The following PSPH variants were observed in gnomAD, a reference collection of about 807,000 sequenced individuals.
The protein encoded by PSPH is L-3-phosphoserine phosphatase.
Under a neutral mutation model 23.4 loss-of-function variants are expected in PSPH, and 16 were observed. That is an observed-to-expected ratio of 0.68 (90% CI 0.46 to 1.04). The LOEUF (loss-of-function observed/expected upper bound fraction) is 1.04, where lower values mean the gene tolerates loss of function less well. Among genes scored for constraint, PSPH ranks in the 50% least tolerant of loss-of-function variants. The pLI is 0.00. For missense variants in PSPH, 223 were observed against 273.7 expected (o/e 0.81, Z 1.31); for synonymous variants, 68 against 99.7 (o/e 0.68, Z 1.89).
intron 7 of PSPH, among the ~76,000 whole-genome samples, chr7:56,014,817 C>T (rs553498375): frequency 6.6e-6 from 1 of 152,126 alleles, no homozygotes; most frequent in African/African-American, 2.4e-5. Context: ...GTGGCGTGTG[C>T]CTGTAATCCC....
At chr7:56,038,836 G>A (rs1201014187) in intron 1 of PSPH, among the ~76,000 whole-genome samples, 1 of 151,444 alleles carries the variant, frequency 6.6e-6, no homozygotes, top group Non-Finnish European at 1.5e-5. Context: ...GTGAGACTCC[G>A]TCCCCCAAAA....
intron 1 of PSPH, among the ~76,000 whole-genome samples, chr7:56,050,410 C>A (rs1406256517): frequency 6.6e-6 from 1 of 152,156 alleles, no homozygotes; most frequent in Non-Finnish European, 1.5e-5. Flanking sequence ...GGATCACAGA[C>A]GTGCACCACC....
At chr7:56,019,566 G>A (rs770705739) in intron 5 of PSPH, 34 bp downstream of exon 5, 1 of 1,612,704 alleles carries the variant, frequency 6.2e-7, no homozygotes, top group Non-Finnish European at 8.5e-7. Context: ...CAACACTGGT[G>A]CTGAAATACA....
At chr7:56,029,103 C>A (rs2116861933) in intron 3 of PSPH, among the ~76,000 whole-genome samples, 1 of 152,226 alleles carries the variant, frequency 6.6e-6, no homozygotes. Context: ...GTGTGAGCCA[C>A]CAAGCCTGGC....
At chr7:56,043,423 T>C (rs1290633744) in intron 1 of PSPH, among the ~76,000 whole-genome samples, 2 of 151,922 alleles carry the variant, frequency 1.3e-5, no homozygotes, top group East Asian at 3.9e-4. Context: ...TAGGCTGAGG[T>C]AGGAGGATCA....
At chr7:56,035,497 G>A (rs1222301418) in intron 1 of PSPH, among the ~76,000 whole-genome samples, 2 of 151,992 alleles carry the variant, frequency 1.3e-5, no homozygotes, top group African/African-American at 4.8e-5. Context: ...AACCTCAAAG[G>A]CTGACAGTCT....
chr7:56,031,837 A>G (rs1400240399), intron 3 of PSPH, 92 bp downstream of exon 3: 1 of 153,450 alleles, frequency 6.5e-6, no homozygotes, highest in Non-Finnish European at 1.5e-5. Flanking sequence ...CTGCTAGCAG[A>G]TAGACAAACG....
In PSPH at chr7:56,011,738, T is replaced by G; in HGVS notation, c.*24A>C. ...ACTTGTAAAAATTCATCTGAAGTTG[T>G]TTGGAGCTGTACGACAATGGATGTT... On this transcript the variant is annotated 3_prime_UTR_variant, in exon 8 of 8. Coordinates refer to ENST00000275605, the MANE Select transcript of PSPH (RefSeq NM_004577.4). 6.4e-7 allele frequency: 1 copy of G among 1,560,998 alleles called. No individual in the cohort carries two copies. Among genetic ancestry groups the G allele is most frequent in the South Asian group, 1.1e-5 (1 of 89,964 alleles).
rs545597173 is a variant in PSPH, at chr7:56,045,381, T to G, written c.-292+5757A>C. Among the ~76,000 whole-genome samples the G allele has an allele frequency of 2.0e-5, 3 of 152,188 alleles. No individual in the cohort carries two copies. The South Asian group carries it at 6.2e-4, about 32-fold the overall frequency. On this transcript the variant is annotated intron_variant, in intron 1 of 7. Transcript: ENST00000275605. ...TAGCCAGGCATGATGGTGGATCACT[T>G]GAGCCCAGAAGGTCGAGGTTGCAGT...
In PSPH at chr7:56,028,445, C is replaced by T. The variant is rs537396749; in HGVS notation, c.-20+3484G>A. On this transcript the variant is annotated intron_variant, in intron 3 of 7. Coordinates refer to ENST00000275605, the MANE Select transcript of PSPH (RefSeq NM_004577.4). The stretch of plus-strand genomic sequence containing the variant: ...TGAGGTCTCACTATGTTACCCAGGC[C>T]GGTCTTGAATTCCTGGCCTCAAATG... Among the ~76,000 whole-genome samples, 38 of 152,094 alleles carry T rather than the reference C, an allele frequency of 2.5e-4. No homozygotes were observed. The South Asian group carries it at 3.7e-3, about 15-fold the overall frequency.
At chr7:56,025,706 C>A (rs774908116) in intron 3 of PSPH, among the ~76,000 whole-genome samples, 1 of 152,204 alleles carries the variant, frequency 6.6e-6, no homozygotes, top group Non-Finnish European at 1.5e-5. Flanking sequence ...CAATTCTCCT[C>A]CCTCAGCGTT....
chr7:56,018,863 A>G (rs1788942540), intron 5 of PSPH, among the ~76,000 whole-genome samples: 3 of 151,982 alleles, frequency 2.0e-5, no homozygotes, highest in Admixed American at 6.6e-5. Context: ...CCAGCTACTT[A>G]GGAAGCTGAG....
chr7:56,028,928 C>T (rs2116859397), intron 3 of PSPH, among the ~76,000 whole-genome samples: 1 of 152,034 alleles, frequency 6.6e-6, no homozygotes, highest in East Asian at 1.9e-4. Context: ...AAGCGATTCT[C>T]CTGCCTCCTG....
intron 3 of PSPH, among the ~76,000 whole-genome samples, chr7:56,028,368 G>C (rs527367407): frequency 6.6e-6 from 1 of 152,136 alleles, no homozygotes; most frequent in Non-Finnish European, 1.5e-5. Context: ...GAGACCACAG[G>C]CACGCACCAC....
rs138379643 is a variant in PSPH, at chr7:56,014,905, T to C, written c.570+118A>G. 3.6e-3 allele frequency: 3,938 copies of C among 1,106,840 alleles called. 83 individuals carry two copies. The South Asian group carries it at 0.036, about 10-fold the overall frequency. The allele number at this position is 1,106,840 out of a possible 1,614,324, so 68.6% of individuals were successfully genotyped here. On this transcript the variant is annotated intron_variant, in intron 7 of 7. Coordinates refer to ENST00000275605, the MANE Select transcript of PSPH (RefSeq NM_004577.4). ...TTGCAGTAAGCTGAGATCACGCCAC[T>C]GCACTCCAACCTGGGCAACAAGAGT...
chr7:56,014,108 G>A (rs1333698172), intron 7 of PSPH, among the ~76,000 whole-genome samples: 2 of 152,132 alleles, frequency 1.3e-5, no homozygotes, highest in Non-Finnish European at 2.9e-5. Context: ...CAGCCTGGGT[G>A]ACAGAGTGAG....
At chr7:56,027,904 A>AAAAT (rs1344816847) in intron 3 of PSPH, among the ~76,000 whole-genome samples, 1 of 150,698 alleles carries the variant, frequency 6.6e-6, no homozygotes, top group East Asian at 2.0e-4. Flanking sequence ...AAAAAAAAAA[A>AAAAT]AAAAAAAAGT....
At chr7:56,036,183 T>C (rs1015791224) in intron 1 of PSPH, among the ~76,000 whole-genome samples, 3 of 151,866 alleles carry the variant, frequency 2.0e-5, no homozygotes, top group African/African-American at 7.2e-5. Flanking sequence ...GCTGAGATCA[T>C]GCCACTGCAC....
chr7:56,032,691 C>T (rs897967233), intron 2 of PSPH, among the ~76,000 whole-genome samples: 10 of 151,104 alleles, frequency 6.6e-5, no homozygotes, highest in African/African-American at 2.4e-4. Flanking sequence ...GGACTCACAC[C>T]TGTAATCCCA....
Sources: gnomAD v4.1 joint callset for allele counts (sites outside exome capture counted in the v4.1 genomes callset) on GRCh38, gnomAD v4.1.1 for gene constraint, MANE v1.5 for transcripts, NCBI Gene and HGNC (gene_info 2026-07-23, HGNC 2026-07-21) for gene names.